Variants in CSMD1 observed in about 807,000 individuals in gnomAD.
CSMD1 encodes the protein CUB and sushi domain-containing protein 1.
In CSMD1, 213 loss-of-function variants were observed where a neutral mutation model predicts 417.5. That is an observed-to-expected ratio of 0.51 (90% confidence interval 0.46 to 0.57). CSMD1 has a LOEUF of 0.57. CSMD1 is among the 20% of genes least tolerant of loss of function. CSMD1 has a pLI of 0.00. For synonymous variants in CSMD1, 2,862 were observed against 1,736.8 expected (o/e 1.65, Z -16.11); for missense variants, 6,923 against 4,529.7 (o/e 1.53, Z -15.17).
chr8:3,815,121 G>C (rs150596849), intron 5 of CSMD1, among the ~76,000 whole-genome samples: 5 of 152,180 alleles, frequency 3.3e-5, no homozygotes, highest in African/African-American at 9.6e-5. Context: ...ATTAGACATG[G>C]GATATTTTGC....
intron 1 of CSMD1, among the ~76,000 whole-genome samples, chr8:4,941,700 G>A (rs1265514729): frequency 6.6e-6 from 1 of 151,996 alleles, no homozygotes; most frequent in Non-Finnish European, 1.5e-5. Flanking sequence ...TCTAGCTCAA[G>A]CAATTCTCTC....
intron 52 of CSMD1, among the ~76,000 whole-genome samples, chr8:3,003,450 T>C (rs947450073): frequency 6.6e-6 from 1 of 152,218 alleles, no homozygotes; most frequent in Non-Finnish European, 1.5e-5. Context: ...GCTGTGTCTC[T>C]ACCATATCAG....
chr8:4,538,493 A>T (rs989801092), intron 2 of CSMD1, among the ~76,000 whole-genome samples: 8 of 152,140 alleles, frequency 5.3e-5, no homozygotes, highest in South Asian at 2.1e-4. Context: ...AAATAGAAAA[A>T]TTAGCTGTGT....
At chr8:4,101,359 C>A (rs1173529735) in intron 3 of CSMD1, among the ~76,000 whole-genome samples, 3 of 152,148 alleles carry the variant, frequency 2.0e-5, no homozygotes, top group East Asian at 3.9e-4. Context: ...CTAACCAATA[C>A]CACATTCCAT....
chr8:4,541,023 A>ACTT (rs1432176127), intron 2 of CSMD1, among the ~76,000 whole-genome samples: 2 of 152,232 alleles, frequency 1.3e-5, no homozygotes, highest in African/African-American at 4.8e-5. Flanking sequence ...GCCTCATTTT[A>ACTT]CTTAGCAAAA....
chr8:3,863,099 T>A (rs942663966), intron 5 of CSMD1, among the ~76,000 whole-genome samples: 126 of 152,226 alleles, frequency 8.3e-4, no homozygotes, highest in Non-Finnish European at 1.3e-3. Flanking sequence ...TCCCTCAAGC[T>A]TTTTTAAAGG....
At chr8:3,105,401 T>C (rs1252856700) in intron 46 of CSMD1, among the ~76,000 whole-genome samples, 1 of 152,254 alleles carries the variant, frequency 6.6e-6, no homozygotes, top group East Asian at 1.9e-4. Context: ...TTTGAAGTCA[T>C]AAAAACTATT....
chr8:4,272,497 G>A (rs562908507), intron 3 of CSMD1, among the ~76,000 whole-genome samples: 1 of 152,190 alleles, frequency 6.6e-6, no homozygotes, highest in East Asian at 1.9e-4. Context: ...CACGATCACA[G>A]TATTTCAAAA....
intron 26 of CSMD1, among the ~76,000 whole-genome samples, chr8:3,282,446 C>G (rs540245351): frequency 5.3e-5 from 8 of 152,148 alleles, no homozygotes; most frequent in African/African-American, 1.9e-4. Flanking sequence ...AATCTCATAA[C>G]TTTCTCAACT....
intron 3 of CSMD1, among the ~76,000 whole-genome samples, chr8:4,393,825 G>T (rs1028827735): frequency 6.6e-6 from 1 of 152,098 alleles, no homozygotes; most frequent in Non-Finnish European, 1.5e-5. Context: ...CTATGTTTCT[G>T]TATCTTTTCC....
chr8:3,494,859 A>T (rs954625133), intron 10 of CSMD1, among the ~76,000 whole-genome samples: 5 of 152,192 alleles, frequency 3.3e-5, no homozygotes, highest in African/African-American at 1.2e-4. Context: ...GAAAAGTATC[A>T]AATGCCTGTT....
chr8:3,019,011 C>T (rs28503331), intron 51 of CSMD1, among the ~76,000 whole-genome samples: 7,812 of 152,182 alleles, frequency 0.051, 250 homozygotes, highest in South Asian at 0.084. Flanking sequence ...TCTACCTCCC[C>T]GGTTCAAGTG....
At chr8:3,563,327 T>G (rs1799553228) in intron 10 of CSMD1, among the ~76,000 whole-genome samples, 1 of 151,800 alleles carries the variant, frequency 6.6e-6, no homozygotes, top group African/African-American at 2.4e-5. Context: ...TATAAAAGGT[T>G]TTGCTTTGTT....
At position 4,558,039 on chromosome 8, in the gene CSMD1, C is replaced by G. The variant is rs560783854; in HGVS notation, c.302+79303G>C. 4.6e-5 allele frequency among the ~76,000 whole-genome samples: 7 copies of G among 152,312 alleles called. No individual in the cohort carries two copies. In the East Asian group the frequency reaches 1.4e-3, roughly 29 times the overall value. On this transcript the variant is annotated intron_variant, in intron 2 of 69. Coordinates refer to ENST00000635120, the MANE Select transcript of CSMD1 (RefSeq NM_033225.6). Reference sequence around the variant, plus strand: ...ATACAGACCACTGAGCTATGGCTAACAATGCCTTATGTCATACTGACTCAG... The same window carrying G: ...ATACAGACCACTGAGCTATGGCTAAGAATGCCTTATGTCATACTGACTCAG...
chr8:3,403,713 C>T (rs1812177111), intron 15 of CSMD1, among the ~76,000 whole-genome samples: 1 of 152,170 alleles, frequency 6.6e-6, no homozygotes, highest in Non-Finnish European at 1.5e-5. Context: ...AAAATTCATG[C>T]TTCCAAGTCA....
intron 2 of CSMD1, among the ~76,000 whole-genome samples, chr8:4,448,710 C>T (rs574221768): frequency 6.6e-6 from 1 of 152,062 alleles, no homozygotes; most frequent in Non-Finnish European, 1.5e-5. Flanking sequence ...TTGGCATTGC[C>T]CATTTCATCT....
At chr8:4,236,026 G>GTTTTTTTTTTTTTTT (rs147378202) in intron 3 of CSMD1, among the ~76,000 whole-genome samples, 1 of 108,086 alleles carries the variant, frequency 9.3e-6, no homozygotes, top group African/African-American at 4.2e-5. Flanking sequence ...AATGGATATT[G>GTTTTTTTTTTTTTTT]TTTTTTTTGT....
intron 3 of CSMD1, among the ~76,000 whole-genome samples, chr8:4,124,950 C>G (rs939282568): frequency 2.0e-5 from 3 of 152,130 alleles, no homozygotes; most frequent in African/African-American, 7.2e-5. Context: ...TTCCGGGTCC[C>G]CTTCCACCTC....
At chr8:3,784,902 T>C (rs1049981333) in intron 5 of CSMD1, among the ~76,000 whole-genome samples, 11 of 152,242 alleles carry the variant, frequency 7.2e-5, no homozygotes, top group African/African-American at 2.2e-4. Flanking sequence ...TTTACAAACA[T>C]CATTTTTGTG....
Sources: gnomAD v4.1 joint callset for allele counts (sites outside exome capture counted in the v4.1 genomes callset) on GRCh38, gnomAD v4.1.1 for gene constraint, MANE v1.5 for transcripts, NCBI Gene and HGNC (gene_info 2026-07-23, HGNC 2026-07-21) for gene names.